The following COG4 variants were observed in gnomAD, a reference collection of about 807,000 sequenced individuals.
The protein encoded by COG4 is conserved oligomeric Golgi complex subunit 4.
A neutral mutation model predicts 95.1 loss-of-function variants in COG4; 65 were observed. The observed-to-expected ratio is 0.68, with a 90% confidence interval of 0.56 to 0.84. COG4 has a LOEUF of 0.84. Among genes scored for constraint, COG4 ranks in the 40% least tolerant of loss-of-function variants. The pLI is 0.00. For missense variants in COG4, 1,045 were observed against 989.1 expected (o/e 1.06, Z -0.76); for synonymous variants, 421 against 374.8 (o/e 1.12, Z -1.42).
At chr16:70,509,143 T>A in intron 7 of COG4, 88 bp downstream of exon 7, 2 of 1,541,288 alleles carry the variant, frequency 1.3e-6, no homozygotes, top group Non-Finnish European at 1.8e-6. Context: ...CACCTTTTTT[T>A]TCACTTTTTC....
chr16:70,523,011 T>C, intron 1 of COG4: 1 of 285,338 alleles, frequency 3.5e-6, no homozygotes, highest in Non-Finnish European at 6.8e-6. Context: ...GTTTCATAAT[T>C]TGTAAATTAA....
At chr16:70,488,037 C>G (rs1408270309) in intron 13 of COG4, among the ~76,000 whole-genome samples, 3 of 152,094 alleles carry the variant, frequency 2.0e-5, no homozygotes, top group African/African-American at 7.2e-5. Flanking sequence ...GTTTGCCAGG[C>G]TGGTCTCAAA....
rs2049776492 is a variant in COG4 at position 70,514,320 on chromosome 16, G to A, written c.544+15C>T. 1.2e-6 allele frequency: 2 copies of A among 1,613,720 alleles called. No homozygotes were observed. The highest frequency in any genetic ancestry group is 3.3e-5 in the Admixed American group (2 of 59,972). On this transcript the variant is annotated intron_variant, in intron 4 of 18. Transcript: ENST00000323786. ...ATTTTAACTAAACTAAAAACCAACAGTTTCGGATGCTGACCCTCTTTGCCC... is the reference window on the plus strand; with the variant it reads ...ATTTTAACTAAACTAAAAACCAACAATTTCGGATGCTGACCCTCTTTGCCC...
intron 13 of COG4, among the ~76,000 whole-genome samples, chr16:70,487,457 C>T (rs557392213): frequency 1.4e-4 from 21 of 152,148 alleles, no homozygotes; most frequent in African/African-American, 2.4e-4. Context: ...ATTAGCTGGG[C>T]GTGGTGGCAG....
At chr16:70,512,558 G>A (rs1220261625) in intron 4 of COG4, 126 bp from the exon 5 acceptor site, 2 of 787,654 alleles carry the variant, frequency 2.5e-6, no homozygotes, top group African/African-American at 1.7e-5. Context: ...AAGATGCTGT[G>A]CTAGTAATAT....
In COG4 at chr16:70,481,751, C is replaced by T. The variant is rs1227526092; in HGVS notation, c.2106+13G>A. ...GAAACGAGAGCCGCAGACCCATGACCCCTTTACCTTACCCGGTTAAAGGTG... is the reference window on the plus strand; with the variant it reads ...GAAACGAGAGCCGCAGACCCATGACTCCTTTACCTTACCCGGTTAAAGGTG... On this transcript the variant is annotated intron_variant, in intron 17 of 18. Transcript: ENST00000323786. The T allele has an allele frequency of 1.9e-6, 3 of 1,605,392 alleles. No individual in the cohort carries two copies. The highest frequency in any genetic ancestry group is 1.1e-5 in the South Asian group (1 of 90,788).
intron 8 of COG4, among the ~76,000 whole-genome samples, chr16:70,503,284 T>A (rs2151753570): frequency 6.6e-6 from 1 of 152,320 alleles, no homozygotes; most frequent in East Asian, 1.9e-4. Flanking sequence ...ACTCCTGGGC[T>A]CAAGTGATCT....
At chr16:70,488,002 T>G (rs899179476) in intron 13 of COG4, among the ~76,000 whole-genome samples, 2 of 152,008 alleles carry the variant, frequency 1.3e-5, no homozygotes, top group Non-Finnish European at 2.9e-5. Flanking sequence ...TTTTTGTATT[T>G]TTAGTAGAGA....
At chr16:70,517,769 T>C (rs2049854795) in intron 2 of COG4, 29 bp from the exon 3 acceptor site, 4 of 1,462,062 alleles carry the variant, frequency 2.7e-6, no homozygotes, top group Non-Finnish European at 3.8e-6. Context: ...AGCATACACA[T>C]AACGATAGGG....
chr16:70,482,004 C>A, intron 16 of COG4, 88 bp downstream of exon 16: 1 of 1,379,028 alleles, frequency 7.3e-7, no homozygotes, highest in East Asian at 2.3e-5. Context: ...TTCAGGGTCC[C>A]CAGAAGGAAT....
rs1036384952 is a variant in COG4 at position 70,503,795 on chromosome 16, C to T, written c.1062-2704G>A. 6.4e-5 allele frequency among the ~76,000 whole-genome samples: 9 copies of T among 140,996 alleles called. 2 individuals are homozygous for T. The highest frequency in any genetic ancestry group is 2.6e-4 in the African/African-American group (8 of 30,864). The allele number at this position is 140,996 out of a possible 152,430, so 92.5% of individuals were successfully genotyped here. A position where few individuals can be genotyped will look rare whatever the true frequency, so the allele number is the denominator to read the frequency against. On this transcript the variant is annotated intron_variant, in intron 8 of 18. Coordinates refer to ENST00000323786, the MANE Select transcript of COG4 (RefSeq NM_015386.3). The stretch of plus-strand genomic sequence containing the variant: ...ATTTTTAGTAGAGACGGGGTTTCAC[C>T]GTGTTAGCCAGGATGGTCTCGATCT...
chr16:70,482,620 G>T, intron 15 of COG4, 109 bp downstream of exon 15: 2 of 868,886 alleles, frequency 2.3e-6, no homozygotes, highest in Non-Finnish European at 3.9e-6. Flanking sequence ...GGGGAAGTGG[G>T]CCTGGGAAGC....
intron 6 of COG4, 121 bp downstream of exon 6, chr16:70,509,791 CAATT>C: frequency 4.0e-6 from 3 of 746,852 alleles, no homozygotes; most frequent in East Asian, 5.4e-5. Flanking sequence ...ATTCTCCAAT[CAATT>C]AATACACAAT....
At chr16:70,498,384 A>G (rs544531369) in intron 9 of COG4, among the ~76,000 whole-genome samples, 63 of 151,682 alleles carry the variant, frequency 4.2e-4, no homozygotes, top group African/African-American at 1.3e-3. Flanking sequence ...GCTGGAGTGC[A>G]ATGGCGTGAT....
chr16:70,502,506 C>T (rs897687217), intron 8 of COG4, among the ~76,000 whole-genome samples: 2 of 136,130 alleles, frequency 1.5e-5, no homozygotes, highest in Admixed American at 7.7e-5. Context: ...GAGGCTGAGG[C>T]GGGAGAGTCG....
At chr16:70,509,092 G>T in intron 7 of COG4, 139 bp downstream of exon 7, 1 of 1,050,600 alleles carries the variant, frequency 9.5e-7, no homozygotes. Flanking sequence ...TGGGCAAGAT[G>T]CAGGCCAGTG....
chr16:70,518,638 C>A (rs1045455928), intron 2 of COG4, among the ~76,000 whole-genome samples: 6 of 152,052 alleles, frequency 3.9e-5, no homozygotes, highest in Non-Finnish European at 8.8e-5. Flanking sequence ...CTACACGCAG[C>A]CAGGGAACAA....
intron 8 of COG4, among the ~76,000 whole-genome samples, chr16:70,504,609 TAAAAAAA>T (rs66751123): frequency 3.3e-4 from 40 of 121,934 alleles, no homozygotes; most frequent in Non-Finnish European, 4.0e-4. Context: ...AGATTCTATT[TAAAAAAA>T]AAAAAAAAAA....
Position 70,480,819 on chromosome 16 carries a change from G to A in COG4, c.*191C>T. 1 of 644,374 alleles carries A rather than the reference G, an allele frequency of 1.6e-6. No homozygotes were observed. The highest frequency in any genetic ancestry group is 2.7e-6 in the Non-Finnish European group (1 of 375,156). The allele number at this position is 644,374 out of a possible 1,614,324, so 39.9% of individuals were successfully genotyped here. The stretch of plus-strand genomic sequence containing the variant: ...TCTCGGTGGGGAGATGCTGCCCCCA[G>A]AGCATCACCTGGCCAGGTCTGAGGG... On this transcript the variant is annotated 3_prime_UTR_variant, in exon 19 of 19. Coordinates refer to ENST00000323786, the MANE Select transcript of COG4 (RefSeq NM_015386.3).
Sources: allele counts gnomAD v4.1 joint callset (sites outside exome capture counted in the v4.1 genomes callset), GRCh38; gene constraint gnomAD v4.1.1; transcripts MANE v1.5; gene names NCBI Gene and HGNC (gene_info 2026-07-23, HGNC 2026-07-21).